The following MDFIC variants were observed in gnomAD, a reference collection of about 807,000 sequenced individuals.
MDFIC encodes the protein MyoD family inhibitor domain containing, also known as myoD family inhibitor domain-containing protein.
A neutral mutation model predicts 23.2 loss-of-function variants in MDFIC; 17 were observed. The observed-to-expected ratio is 0.73, with a 90% confidence interval of 0.50 to 1.10. MDFIC has a LOEUF of 1.10. Among genes scored for constraint, MDFIC ranks in the 50% least tolerant of loss-of-function variants. The pLI is 0.00. For missense variants in MDFIC, 356 were observed against 316.6 expected, an observed-to-expected ratio of 1.12 and a Z score of -0.95; for synonymous variants, 120 against 115.2, an observed-to-expected ratio of 1.04 and a Z score of -0.27.
intron 4 of MDFIC, among the ~76,000 whole-genome samples, chr7:114,986,017 G>C (rs929912581): frequency 6.8e-6 from 1 of 146,518 alleles, no homozygotes; most frequent in Non-Finnish European, 1.5e-5. Context: ...CATCTGCACC[G>C]TGATTACCTT....
At chr7:114,930,604 T>C (rs1168431445) in intron 2 of MDFIC, among the ~76,000 whole-genome samples, 1 of 152,208 alleles carries the variant, frequency 6.6e-6, no homozygotes, top group Non-Finnish European at 1.5e-5. Flanking sequence ...CTGGATCTTG[T>C]TGAGATGATT....
At chr7:114,957,533 A>G (rs866293792) in intron 3 of MDFIC, among the ~76,000 whole-genome samples, 2 of 152,196 alleles carry the variant, frequency 1.3e-5, no homozygotes. Context: ...AGCTTTTTGA[A>G]TAATATATAA....
At chr7:114,972,873 C>T (rs1284947205) in intron 3 of MDFIC, among the ~76,000 whole-genome samples, 1 of 152,134 alleles carries the variant, frequency 6.6e-6, no homozygotes, top group Non-Finnish European at 1.5e-5. Flanking sequence ...CGACCTCAGC[C>T]TCTCAAAGTG....
At position 114,979,927 on chromosome 7, in the gene MDFIC, C is replaced by T. The variant is rs914092776; in HGVS notation, c.493+146C>T. The T allele has an allele frequency of 3.1e-6, 3 of 958,386 alleles. No individual in the cohort carries two copies. In the Admixed American group the frequency reaches 6.1e-5, roughly 19 times the overall value. The allele number at this position is 958,386 out of a possible 1,614,324, so 59.4% of individuals were successfully genotyped here. A position where few individuals can be genotyped will look rare whatever the true frequency, so the allele number is the denominator to read the frequency against. On this transcript the variant is annotated intron_variant, in intron 4 of 4. Coordinates refer to ENST00000393486, the MANE Select transcript of MDFIC (RefSeq NM_001166345.3). ...TTGGTAAAATGCAGATTAACTTTCC[C>T]AAAGGAAAGCACAAGATAGAAAAGG...
intron 2 of MDFIC, among the ~76,000 whole-genome samples, chr7:114,929,515 G>T (rs902776468): frequency 2.6e-5 from 4 of 152,148 alleles, no homozygotes; most frequent in South Asian, 2.1e-4. Flanking sequence ...TAGTTTTCTC[G>T]CCTAGCCGGT....
intron 4 of MDFIC, among the ~76,000 whole-genome samples, chr7:115,015,025 A>G (rs1009701664): frequency 6.6e-6 from 1 of 152,194 alleles, no homozygotes; most frequent in Middle Eastern, 3.2e-3. Context: ...TTGCTAAGGT[A>G]CAAATTCCTT....
chr7:115,005,376 G>A (rs1229608192), intron 4 of MDFIC, among the ~76,000 whole-genome samples: 1 of 152,130 alleles, frequency 6.6e-6, no homozygotes, highest in Non-Finnish European at 1.5e-5. Context: ...TTGTGTCCCT[G>A]TTGCTAATAG....
At chr7:114,968,493 C>T (rs754112365) in intron 3 of MDFIC, among the ~76,000 whole-genome samples, 1 of 152,086 alleles carries the variant, frequency 6.6e-6, no homozygotes, top group Admixed American at 6.5e-5. Context: ...TATTGTTGTT[C>T]GATTATGTGG....
At chr7:114,963,963 G>A (rs148893899) in intron 3 of MDFIC, among the ~76,000 whole-genome samples, 1 of 152,244 alleles carries the variant, frequency 6.6e-6, no homozygotes, top group East Asian at 1.9e-4. Flanking sequence ...CTAGATAAAT[G>A]TCCGGTAAAA....
intron 3 of MDFIC, among the ~76,000 whole-genome samples, chr7:114,962,379 T>C (rs1793010781): frequency 6.6e-6 from 1 of 152,230 alleles, no homozygotes; most frequent in Non-Finnish European, 1.5e-5. Flanking sequence ...AAAGGCTATA[T>C]TAATAGAAAA....
chr7:114,976,596 AT>A (rs1251700161), intron 3 of MDFIC, among the ~76,000 whole-genome samples: 2 of 152,156 alleles, frequency 1.3e-5, no homozygotes, highest in African/African-American at 4.8e-5. Flanking sequence ...TTAGACTATT[AT>A]TCCTCTTTAT....
At chr7:114,973,985 TA>T (rs901051853) in intron 3 of MDFIC, among the ~76,000 whole-genome samples, 47 of 151,362 alleles carry the variant, frequency 3.1e-4, no homozygotes, top group Non-Finnish European at 6.2e-4. Context: ...AAGAGGCAAA[TA>T]AAAAAAAGAT....
intron 4 of MDFIC, among the ~76,000 whole-genome samples, chr7:115,004,944 A>G (rs1200219072): frequency 6.6e-6 from 1 of 152,196 alleles, no homozygotes; most frequent in East Asian, 1.9e-4. Flanking sequence ...CAGTATGGCT[A>G]TTTGCTCCTG....
At chr7:114,947,697 C>T (rs943404514) in intron 3 of MDFIC, among the ~76,000 whole-genome samples, 2 of 152,130 alleles carry the variant, frequency 1.3e-5, no homozygotes, top group African/African-American at 4.8e-5. Context: ...AACTGACTTC[C>T]AGGAGTCAGA....
chr7:114,981,971 T>C (rs1344724403), intron 4 of MDFIC, among the ~76,000 whole-genome samples: 1 of 152,230 alleles, frequency 6.6e-6, no homozygotes, highest in East Asian at 1.9e-4. Context: ...AAAAACATTC[T>C]CAATTCTGCC....
intron 3 of MDFIC, among the ~76,000 whole-genome samples, chr7:114,945,125 G>A (rs997051630): frequency 6.6e-6 from 1 of 152,224 alleles, no homozygotes; most frequent in Non-Finnish European, 1.5e-5. Context: ...ATTCTTGAAA[G>A]TGGTTAGTGA....
intron 3 of MDFIC, among the ~76,000 whole-genome samples, chr7:114,949,692 T>G (rs1792722660): frequency 6.6e-6 from 1 of 152,100 alleles, no homozygotes; most frequent in Non-Finnish European, 1.5e-5. Context: ...TACAGTCTTG[T>G]GGGAGAGACA....
intron 2 of MDFIC, among the ~76,000 whole-genome samples, chr7:114,941,337 C>G (rs2115757256): frequency 6.6e-6 from 1 of 152,236 alleles, no homozygotes; most frequent in Non-Finnish European, 1.5e-5. Context: ...ATTCTAATAT[C>G]CACACAATGT....
chr7:114,966,299 C>A (rs1793094694), intron 3 of MDFIC, among the ~76,000 whole-genome samples: 1 of 151,720 alleles, frequency 6.6e-6, no homozygotes, highest in South Asian at 2.1e-4. Context: ...TTTGTGAGTG[C>A]CACTGGGCTT....
Sources: allele counts gnomAD v4.1 joint callset (sites outside exome capture counted in the v4.1 genomes callset), GRCh38; gene constraint gnomAD v4.1.1; transcripts MANE v1.5; gene names NCBI Gene and HGNC (gene_info 2026-07-23, HGNC 2026-07-21).